TMPRSS11D: variants seen among roughly 807,000 people sequenced by gnomAD.
The protein encoded by TMPRSS11D is transmembrane protease serine 11D.
In TMPRSS11D, 32 loss-of-function variants were observed where a neutral mutation model predicts 44.4. The observed-to-expected ratio is 0.72, with a 90% confidence interval of 0.54 to 0.97. TMPRSS11D has a LOEUF of 0.97. Among genes scored for constraint, TMPRSS11D ranks in the 50% least tolerant of loss-of-function variants. TMPRSS11D has a pLI of 0.00. For missense variants in TMPRSS11D, 446 were observed against 502.6 expected (o/e 0.89, Z 1.08); for synonymous variants, 179 against 177.9 (o/e 1.01, Z -0.05).
chr4:67,848,880 G>A (rs570375789), intron 3 of TMPRSS11D, among the ~76,000 whole-genome samples: 20 of 152,340 alleles, frequency 1.3e-4, no homozygotes, highest in African/African-American at 4.6e-4. Context: ...GGAAACCATG[G>A]AAGTGTTTGA....
At position 67,827,446 on chromosome 4, in the gene TMPRSS11D, C is replaced by T. The variant is rs2109658122; in HGVS notation, c.767G>A (p.Arg256Lys). 2.5e-6 allele frequency: 4 copies of T among 1,612,688 alleles called. No individual in the cohort carries two copies. The East Asian group carries it at 8.9e-5, about 36-fold the overall frequency. Residue 256 changes from arginine (R) to lysine (K), a missense_variant, in exon 8 of 10, where the codon AGA becomes AAA. By Grantham distance (26) the Arg-to-Lys change is conservative. Coordinates refer to ENST00000283916, the MANE Select transcript of TMPRSS11D (RefSeq NM_004262.3). ...TTFPKLRMRV[R>K]NILIHNNYKS... ...ATAATTGTTATGAATTAAAATATTT[C>T]TTACTCTCATTCTTAGTTTAGGAAA...
At chr4:67,862,801 G>C (rs898805148) in intron 1 of TMPRSS11D, among the ~76,000 whole-genome samples, 1 of 151,810 alleles carries the variant, frequency 6.6e-6, no homozygotes, top group Non-Finnish European at 1.5e-5. Flanking sequence ...GCAAACTATC[G>C]CAAGGACAAA....
chr4:67,857,310 TATATATATATATAC>T (rs1440372780), intron 2 of TMPRSS11D, among the ~76,000 whole-genome samples: 1 of 2,674 alleles, frequency 3.7e-4, no homozygotes, highest in African/African-American at 6.2e-4. Flanking sequence ...TATATATATA[TATATATATATATAC>T]ACACACACAC....
chr4:67,856,248 T>C (rs899853870), intron 2 of TMPRSS11D, among the ~76,000 whole-genome samples: 2 of 152,098 alleles, frequency 1.3e-5, no homozygotes, highest in African/African-American at 4.8e-5. Flanking sequence ...TCCAAGGCTA[T>C]AGTAGCCAAA....
chr4:67,855,793 A>C (rs1187920186), intron 2 of TMPRSS11D, among the ~76,000 whole-genome samples: 2 of 149,632 alleles, frequency 1.3e-5, no homozygotes, highest in South Asian at 2.1e-4. Context: ...TTTTATACCC[A>C]AAAAAACCTA....
chr4:67,871,404 C>T (rs1719060891), intron 1 of TMPRSS11D, among the ~76,000 whole-genome samples: 1 of 152,208 alleles, frequency 6.6e-6, no homozygotes, highest in African/African-American at 2.4e-5. Context: ...TCTCATACCT[C>T]ATCTTCCTCC....
intron 3 of TMPRSS11D, among the ~76,000 whole-genome samples, chr4:67,853,078 T>C (rs1718546719): frequency 6.6e-6 from 1 of 152,188 alleles, no homozygotes; most frequent in Non-Finnish European, 1.5e-5. Context: ...GGGCACACGA[T>C]GGCTGAAATA....
intron 2 of TMPRSS11D, among the ~76,000 whole-genome samples, chr4:67,858,532 G>C (rs1373961465): frequency 6.6e-6 from 1 of 151,900 alleles, no homozygotes; most frequent in Non-Finnish European, 1.5e-5. Context: ...TATCATTATT[G>C]GTATTTCTAA....
chr4:67,857,287 ATATATATATATATATATAT>A (rs1236077255), intron 2 of TMPRSS11D, among the ~76,000 whole-genome samples: 13 of 8,292 alleles, frequency 1.6e-3, no homozygotes, highest in Admixed American at 2.3e-3. Flanking sequence ...ATATATATAT[ATATATATATATATATATAT>A]ATATATATAT....
chr4:67,830,224 G>A (rs549971730), intron 7 of TMPRSS11D, among the ~76,000 whole-genome samples: 2 of 152,172 alleles, frequency 1.3e-5, no homozygotes, highest in Admixed American at 6.5e-5. Context: ...TATAGGTTTT[G>A]TAGGTGCGTG....
At chr4:67,846,922 T>G (rs76005764) in intron 3 of TMPRSS11D, among the ~76,000 whole-genome samples, 161 of 151,626 alleles carry the variant, frequency 1.1e-3, no homozygotes, top group African/African-American at 3.9e-3. Flanking sequence ...TTTTTTTTTT[T>G]TGAGACAGAG....
At chr4:67,838,371 AAT>A in intron 4 of TMPRSS11D, 42 bp from the exon 5 acceptor site, 1 of 1,466,170 alleles carries the variant, frequency 6.8e-7, no homozygotes, top group South Asian at 1.5e-5. Flanking sequence ...ATAATATGAC[AAT>A]TTTTCACCAT....
chr4:67,883,810 GAAGT>G (rs1440153723), intron 1 of TMPRSS11D, 112 bp downstream of exon 1: 3 of 708,988 alleles, frequency 4.2e-6, no homozygotes, highest in African/African-American at 3.7e-5. Flanking sequence ...AGTTTTCAGA[GAAGT>G]AACTAGAAGA....
At chr4:67,843,518 A>G (rs1285348913) in intron 3 of TMPRSS11D, among the ~76,000 whole-genome samples, 1 of 152,216 alleles carries the variant, frequency 6.6e-6, no homozygotes, top group African/African-American at 2.4e-5. Context: ...GGGTATGTAC[A>G]CCTATTATGT....
At chr4:67,828,742 C>A (rs2109659668) in intron 7 of TMPRSS11D, among the ~76,000 whole-genome samples, 1 of 152,110 alleles carries the variant, frequency 6.6e-6, no homozygotes, top group Non-Finnish European at 1.5e-5. Context: ...TTTACTAATA[C>A]AATCTTGAAG....
intron 3 of TMPRSS11D, among the ~76,000 whole-genome samples, chr4:67,844,122 T>A (rs1246521824): frequency 6.6e-6 from 1 of 152,190 alleles, no homozygotes; most frequent in African/African-American, 2.4e-5. Context: ...GAATGGATTA[T>A]GCTGGCTTAT....
At chr4:67,827,235 T>G in intron 8 of TMPRSS11D, 26 bp downstream of exon 8, 3 of 1,567,370 alleles carry the variant, frequency 1.9e-6, no homozygotes. Context: ...ATTTCTATTG[T>G]TAATTTTTTT....
At chr4:67,834,884 A>G (rs1482729354) in intron 6 of TMPRSS11D, among the ~76,000 whole-genome samples, 199 bp downstream of exon 6, 1 of 152,088 alleles carries the variant, frequency 6.6e-6, no homozygotes, top group African/African-American at 2.4e-5. Context: ...TCCTTTTTCT[A>G]AAAGGAAAGG....
At chr4:67,851,478 T>C (rs1718507446) in intron 3 of TMPRSS11D, among the ~76,000 whole-genome samples, 1 of 152,180 alleles carries the variant, frequency 6.6e-6, no homozygotes, top group African/African-American at 2.4e-5. Flanking sequence ...GAGCCACTGG[T>C]GCTTTGCTGT....
Sources: gnomAD v4.1 joint callset for allele counts (sites outside exome capture counted in the v4.1 genomes callset) on GRCh38, gnomAD v4.1.1 for gene constraint, MANE v1.5 for transcripts, NCBI Gene and HGNC (gene_info 2026-07-23, HGNC 2026-07-21) for gene names.